PROM1: variants seen among roughly 807,000 people sequenced by gnomAD.
The protein encoded by PROM1 is prominin 1, also known as prominin-1.
A neutral mutation model predicts 116.9 loss-of-function variants in PROM1; 105 were observed. The ratio of observed to expected loss-of-function variants is 0.90; its 90% CI spans 0.77 to 1.06. The LOEUF is 1.06. PROM1 is among the 50% of genes least tolerant of loss of function. PROM1 has a pLI of 0.00. For missense variants in PROM1, 1,122 were observed against 1,045.2 expected (o/e 1.07, Z -1.01); for synonymous variants, 393 against 387.0 (o/e 1.02, Z -0.18).
intron 1 of PROM1, among the ~76,000 whole-genome samples, chr4:16,079,033 GGC>G (rs1173720381): frequency 6.6e-6 from 1 of 152,030 alleles, no homozygotes; most frequent in Non-Finnish European, 1.5e-5. Flanking sequence ...GTTTCCAAAG[GGC>G]TCCCTTCAAA....
intron 16 of PROM1, 99 bp from the exon 17 acceptor site, chr4:15,992,490 T>A: frequency 7.6e-7 from 1 of 1,313,594 alleles, no homozygotes; most frequent in Non-Finnish European, 1.0e-6. Flanking sequence ...TGGTGGCTCA[T>A]GCCTGCAATC....
chr4:16,038,274 AAC>A (rs1366258051), intron 3 of PROM1, among the ~76,000 whole-genome samples: 1 of 152,228 alleles, frequency 6.6e-6, no homozygotes, highest in Non-Finnish European at 1.5e-5. Context: ...GATGTTTTAT[AAC>A]AGAGTACACA....
intron 2 of PROM1, among the ~76,000 whole-genome samples, chr4:16,061,546 C>T (rs1030171640): frequency 6.6e-6 from 1 of 152,196 alleles, no homozygotes; most frequent in Non-Finnish European, 1.5e-5. Context: ...GACATCAGTT[C>T]CGTCCCTCAG....
At chr4:16,040,995 G>C (rs1023653829) in intron 2 of PROM1, among the ~76,000 whole-genome samples, 4 of 152,224 alleles carry the variant, frequency 2.6e-5, no homozygotes, top group African/African-American at 2.4e-5. Flanking sequence ...GACTGGGGAA[G>C]CCGTGAGCCC....
chr4:16,003,986 T>C (rs771383097), intron 13 of PROM1, among the ~76,000 whole-genome samples: 3 of 152,190 alleles, frequency 2.0e-5, no homozygotes, highest in Non-Finnish European at 2.9e-5. Flanking sequence ...GGTGTTTTGG[T>C]TGCAACAAAA....
chr4:15,996,736 T>G (rs1469467008), intron 15 of PROM1, among the ~76,000 whole-genome samples: 2 of 152,172 alleles, frequency 1.3e-5, no homozygotes, highest in Non-Finnish European at 2.9e-5. Context: ...TATCAAATGA[T>G]GGCGAATACT....
chr4:15,996,496 C>T lies in PROM1; in HGVS notation c.1682+1889G>A, dbSNP rs141170364. ...TTACACTCCAGCCCGGGTGATAGAG[C>T]GAGACTCCATCTCAGAAAATAAATA... On this transcript the variant is annotated intron_variant, in intron 15 of 27. Coordinates refer to ENST00000447510, the MANE Select transcript of PROM1 (RefSeq NM_006017.3). Among the ~76,000 whole-genome samples the T allele has an allele frequency of 1.2e-4, 18 of 148,826 alleles. No individual in the cohort carries two copies. In the East Asian group the frequency reaches 3.2e-3, roughly 26 times the overall value.
intron 22 of PROM1, among the ~76,000 whole-genome samples, chr4:15,985,037 A>G (rs1047857473): frequency 6.6e-6 from 1 of 152,198 alleles, no homozygotes; most frequent in African/African-American, 2.4e-5. Context: ...GGCCCTCCAT[A>G]TCCCTGAATT....
chr4:15,990,497 C>T (rs1003629694), intron 18 of PROM1, among the ~76,000 whole-genome samples: 1 of 152,136 alleles, frequency 6.6e-6, no homozygotes, highest in African/African-American at 2.4e-5. Flanking sequence ...CTCCCACAGC[C>T]CCAGGTACTA....
chr4:16,006,917 T>C (rs1205335718), intron 12 of PROM1, among the ~76,000 whole-genome samples: 1 of 152,228 alleles, frequency 6.6e-6, no homozygotes, highest in Non-Finnish European at 1.5e-5. Context: ...AGGTTTGCAT[T>C]GTTCCTGGTG....
chr4:15,969,585 T>C (rs1713867412), intron 27 of PROM1, among the ~76,000 whole-genome samples: 1 of 152,168 alleles, frequency 6.6e-6, no homozygotes, highest in African/African-American at 2.4e-5. Context: ...ATTTATCTTA[T>C]TTTATTTATT....
At chr4:15,980,030 T>C (rs760536149) in intron 24 of PROM1, 126 bp from the exon 25 acceptor site, 5 of 650,362 alleles carry the variant, frequency 7.7e-6, no homozygotes, top group African/African-American at 1.9e-5. Flanking sequence ...AAGACCCATG[T>C]TGAAAGATAA....
At chr4:15,970,085 C>G (rs1453952563) in intron 27 of PROM1, among the ~76,000 whole-genome samples, 1 of 151,934 alleles carries the variant, frequency 6.6e-6, no homozygotes. Flanking sequence ...CCACAGCCTC[C>G]CACCCCAGTA....
chr4:16,065,921 G>C (rs1465922933), intron 2 of PROM1, among the ~76,000 whole-genome samples: 1 of 152,122 alleles, frequency 6.6e-6, no homozygotes, highest in East Asian at 1.9e-4. Flanking sequence ...CTGGACTTGG[G>C]GTAGGCCCTA....
At chr4:16,045,568 G>C (rs1736354777) in intron 2 of PROM1, among the ~76,000 whole-genome samples, 1 of 152,148 alleles carries the variant, frequency 6.6e-6, no homozygotes, top group Non-Finnish European at 1.5e-5. Context: ...ACATTTTCTA[G>C]CTACGTGCCT....
At chr4:15,994,735 T>A (rs1040885618) in intron 15 of PROM1, among the ~76,000 whole-genome samples, 1 of 152,282 alleles carries the variant, frequency 6.6e-6, no homozygotes, top group South Asian at 2.1e-4. Context: ...GGATGTGTAT[T>A]CCTGCCACAA....
chr4:16,082,045 C>T (rs1471292483), intron 1 of PROM1: 1 of 152,146 alleles, frequency 6.6e-6, no homozygotes, highest in Non-Finnish European at 1.5e-5. Flanking sequence ...TCTTCTGCTC[C>T]TCTGTCAAAG....
chr4:16,026,554 T>C (rs1305271394), intron 5 of PROM1, among the ~76,000 whole-genome samples: 1 of 152,114 alleles, frequency 6.6e-6, no homozygotes, highest in Non-Finnish European at 1.5e-5. Context: ...GCAAAAGCAA[T>C]GTCTTGAGGC....
intron 16 of PROM1, among the ~76,000 whole-genome samples, chr4:15,993,502 A>G (rs17387100): frequency 0.073 from 11,174 of 152,250 alleles, 462 homozygotes; most frequent in African/African-American, 0.089. Flanking sequence ...GTCGGCTTCC[A>G]TCCTTTGCTT....
Sources: gnomAD v4.1 joint callset for allele counts (sites outside exome capture counted in the v4.1 genomes callset) on GRCh38, gnomAD v4.1.1 for gene constraint, MANE v1.5 for transcripts, NCBI Gene and HGNC (gene_info 2026-07-23, HGNC 2026-07-21) for gene names.